The following LRRC8D variants were observed in gnomAD, a reference collection of about 807,000 sequenced individuals.
LRRC8D encodes the protein volume-regulated anion channel subunit LRRC8D.
In LRRC8D, 20 loss-of-function variants were observed where a neutral mutation model predicts 55.8. The observed-to-expected ratio is 0.36, with a 90% CI of 0.25 to 0.52. The LOEUF is 0.52. Ranked by LOEUF, LRRC8D falls within the 20% of genes least tolerant of loss-of-function variation. The probability of loss-of-function intolerance (pLI) is 0.93; values close to 1 mark genes in which losing one functional copy is unlikely to be tolerated. For missense variants in LRRC8D, 651 were observed against 1,030.8 expected (o/e 0.63, Z 5.05); for synonymous variants, 352 against 377.0 (o/e 0.93, Z 0.77).
rs76156721 is a variant in LRRC8D, at chr1:89,899,251, T to G, written c.-2-33816T>G. Among the ~76,000 whole-genome samples the G allele has an allele frequency of 2.0e-3, 302 of 152,330 alleles. 1 individual carries two copies. The highest frequency in any genetic ancestry group is 6.7e-3 in the African/African-American group (280 of 41,580). On this transcript the variant is annotated intron_variant, in intron 2 of 2. Transcript: ENST00000337338. ...TGCAGCTGTGCTGAAAACCACTTTC[T>G]TTGGCTGAGGAGAGGCTCAAGTGTG... is the stretch of plus-strand genomic sequence containing the variant.
chr1:89,828,710 G>A (rs757671653), intron 1 of LRRC8D, among the ~76,000 whole-genome samples: 2 of 151,988 alleles, frequency 1.3e-5, no homozygotes, highest in South Asian at 2.1e-4. Context: ...TTTGGGGAAC[G>A]CTCATAAATA....
chr1:89,900,991 C>G (rs748891780), intron 2 of LRRC8D, among the ~76,000 whole-genome samples: 3 of 152,184 alleles, frequency 2.0e-5, no homozygotes, highest in African/African-American at 7.2e-5. Flanking sequence ...TCCTGCCATA[C>G]GTTATCAAGT....
At chr1:89,924,568 A>G (rs535642302) in intron 2 of LRRC8D, among the ~76,000 whole-genome samples, 3 of 152,368 alleles carry the variant, frequency 2.0e-5, no homozygotes, top group Non-Finnish European at 2.9e-5. Flanking sequence ...TATTGTGTAT[A>G]TACCCAAAGG....
intron 2 of LRRC8D, among the ~76,000 whole-genome samples, chr1:89,879,974 A>G (rs1010999665): frequency 2.6e-5 from 4 of 152,058 alleles, no homozygotes; most frequent in African/African-American, 9.7e-5. Flanking sequence ...CAATCTAGAG[A>G]GATAGTGTGG....
At chr1:89,855,762 T>C (rs980805919) in intron 2 of LRRC8D, among the ~76,000 whole-genome samples, 1 of 152,224 alleles carries the variant, frequency 6.6e-6, no homozygotes, top group African/African-American at 2.4e-5. Flanking sequence ...TTAAAACCAC[T>C]TAAACTGAAA....
intron 2 of LRRC8D, among the ~76,000 whole-genome samples, chr1:89,891,711 T>A (rs1662584475): frequency 6.6e-6 from 1 of 152,260 alleles, no homozygotes; most frequent in African/African-American, 2.4e-5. Flanking sequence ...ATTATAATTA[T>A]AATGGTACCC....
rs761893375 is a variant in LRRC8D, at chr1:89,935,317, T to G, written c.2249T>G (p.Leu750Trp). Residue 750 changes from leucine to tryptophan, a missense_variant, in exon 3 of 3, where the codon TTG (leucine) becomes TGG (tryptophan). Leu to Trp is a moderately conservative substitution (Grantham distance 61). Coordinates refer to ENST00000337338, the MANE Select transcript of LRRC8D (RefSeq NM_001134479.2). ...NISMIPIEIG[L>W]LQNLQHLHIT... ...TCAATGATTCCAATAGAAATAGGAT[T>G]GCTTCAGAACCTGCAGCATTTGCAT... 3 of 1,614,242 alleles carry G rather than the reference T, an allele frequency of 1.9e-6. No individual in the cohort carries two copies. The highest frequency in any genetic ancestry group is 1.7e-6 in the Non-Finnish European group (2 of 1,180,036).
chr1:89,902,621 C>G (rs1332949082), intron 2 of LRRC8D, among the ~76,000 whole-genome samples: 1 of 151,768 alleles, frequency 6.6e-6, no homozygotes, highest in Non-Finnish European at 1.5e-5. Flanking sequence ...ACTGCAAGCT[C>G]CGCCTCCTAG....
chr1:89,905,411 T>G (rs189429658), intron 2 of LRRC8D, among the ~76,000 whole-genome samples: 1 of 152,210 alleles, frequency 6.6e-6, no homozygotes, highest in African/African-American at 2.4e-5. Flanking sequence ...CCAAACAGAT[T>G]TGTTTCCCTC....
Position 89,911,421 on chromosome 1 carries a change from A to G in LRRC8D, c.-2-21646A>G, listed in dbSNP as rs1663130382. 6.6e-6 allele frequency among the ~76,000 whole-genome samples: 1 copy of G among 152,190 alleles called. No homozygotes were observed. The highest frequency in any genetic ancestry group is 6.5e-5 in the Admixed American group (1 of 15,284). ...TGTAGTTTTATGAAGTCATAGCAAC[A>G]TGCCGCATACTTGAGTTATAGCTCC... is the stretch of plus-strand genomic sequence containing the variant. On this transcript the variant is annotated intron_variant, in intron 2 of 2. Coordinates refer to ENST00000337338, the MANE Select transcript of LRRC8D (RefSeq NM_001134479.2). This position sits in a 1 kb window ranked among gnomAD's most constrained non-coding sequence, Gnocchi z 4.0.
intron 2 of LRRC8D, chr1:89,929,774 C>A (rs1663653672): frequency 6.6e-6 from 1 of 152,258 alleles, no homozygotes; most frequent in Admixed American, 6.5e-5. Context: ...TTCCCAACAT[C>A]ATTACTGAAT....
chr1:89,857,521 C>A (rs975495319), intron 2 of LRRC8D, among the ~76,000 whole-genome samples: 2 of 151,390 alleles, frequency 1.3e-5, no homozygotes, highest in Admixed American at 1.3e-4. Flanking sequence ...AAAGCTTTTT[C>A]CATTTTGGTG....
intron 2 of LRRC8D, among the ~76,000 whole-genome samples, chr1:89,876,696 T>C (rs1035417165): frequency 9.8e-5 from 15 of 152,328 alleles, no homozygotes; most frequent in East Asian, 1.9e-4. Context: ...TGCAATAAAG[T>C]TTCTTTGGAA....
At chr1:89,917,968 G>C (rs1208348833) in intron 2 of LRRC8D, among the ~76,000 whole-genome samples, 1 of 152,142 alleles carries the variant, frequency 6.6e-6, no homozygotes, top group Non-Finnish European at 1.5e-5. Context: ...CACTGTGTGA[G>C]AGAGGAAATA....
At chr1:89,843,496 AG>A (rs1661189839) in intron 1 of LRRC8D, 141 bp from the exon 2 acceptor site, 1 of 497,050 alleles carries the variant, frequency 2.0e-6, no homozygotes, top group African/African-American at 2.0e-5. Flanking sequence ...CGCCACGGCC[AG>A]GGGAGCGCTG....
At chr1:89,901,996 T>C (rs1181415653) in intron 2 of LRRC8D, among the ~76,000 whole-genome samples, 3 of 152,240 alleles carry the variant, frequency 2.0e-5, no homozygotes, top group Non-Finnish European at 4.4e-5. Flanking sequence ...CTGCTTTTAG[T>C]ATAGTAACAC....
intron 2 of LRRC8D, among the ~76,000 whole-genome samples, chr1:89,852,024 C>T (rs1661431733): frequency 6.6e-6 from 1 of 151,206 alleles, no homozygotes; most frequent in South Asian, 2.1e-4. Flanking sequence ...GTCTGTAGTT[C>T]TTCAGGTGCT....
chr1:89,904,323 T>C (rs1022696726), intron 2 of LRRC8D, among the ~76,000 whole-genome samples: 4 of 152,258 alleles, frequency 2.6e-5, no homozygotes, highest in Non-Finnish European at 5.9e-5. Flanking sequence ...CTTCAGGCTC[T>C]TTTTGGAGTT....
intron 2 of LRRC8D, chr1:89,846,691 TC>T (rs1661291094): frequency 6.6e-6 from 1 of 152,144 alleles, no homozygotes; most frequent in Non-Finnish European, 1.5e-5. Context: ...GTTTTTTTTT[TC>T]ATATTTGAAA....
Sources: allele counts gnomAD v4.1 joint callset (sites outside exome capture counted in the v4.1 genomes callset), GRCh38; gene constraint gnomAD v4.1.1; non-coding constraint Gnocchi (gnomAD v3.1); transcripts MANE v1.5; gene names NCBI Gene and HGNC (gene_info 2026-07-23, HGNC 2026-07-21).